The following ETV1 variants were observed in gnomAD, a reference collection of about 807,000 sequenced individuals.
ETV1 encodes the protein ETS variant transcription factor 1, also known as ETS translocation variant 1.
A neutral mutation model predicts 62.3 loss-of-function variants in ETV1; 27 were observed. The ratio of observed to expected loss-of-function variants is 0.43; its 90% confidence interval spans 0.32 to 0.60. The LOEUF is 0.60. Ranked by LOEUF, ETV1 falls within the 20% of genes least tolerant of loss-of-function variation. The pLI is 0.06. For missense variants in ETV1, 605 were observed against 605.8 expected (o/e 1.00, Z 0.01); for synonymous variants, 222 against 199.6 (o/e 1.11, Z -0.94).
intron 6 of ETV1, among the ~76,000 whole-genome samples, chr7:13,963,079 T>G (rs1790376302): frequency 6.6e-6 from 1 of 152,284 alleles, no homozygotes; most frequent in Admixed American, 6.5e-5. Flanking sequence ...GGAACCACAC[T>G]AAAACTGTAT....
intron 13 of ETV1, among the ~76,000 whole-genome samples, chr7:13,897,097 G>A (rs1781924139): frequency 6.6e-6 from 1 of 151,504 alleles, no homozygotes; most frequent in Admixed American, 6.6e-5. Context: ...AACTGAGTGA[G>A]ATGAATACGC....
Position 13,901,030 on chromosome 7 carries a change from G to C in ETV1, c.1111-191C>G, listed in dbSNP as rs145140425. On this transcript the variant is annotated intron_variant, in intron 12 of 13. Transcript: ENST00000430479. ...CTTTTTTTTTTTTTTTTGAAACAGA[G>C]TCTTGCTCTGTCACCCAGGCTGGGA... Among the ~76,000 whole-genome samples, 919 of 145,738 alleles carry C rather than the reference G, an allele frequency of 6.3e-3. 65 individuals carry two copies. In the East Asian group the frequency reaches 0.15, roughly 24 times the overall value.
At chr7:13,941,598 C>G (rs903783625) in intron 6 of ETV1, among the ~76,000 whole-genome samples, 1 of 152,060 alleles carries the variant, frequency 6.6e-6, no homozygotes, top group Non-Finnish European at 1.5e-5. Context: ...AGGCCCAGTA[C>G]GGTGGCTCAC....
intron 2 of ETV1, 28 bp from the exon 3 acceptor site, chr7:13,989,167 C>G: frequency 1.2e-6 from 1 of 807,942 alleles, no homozygotes; most frequent in Non-Finnish European, 1.9e-6. Flanking sequence ...GGCTTTTAGG[C>G]TTAAAAAAAA....
chr7:13,919,862 C>T (rs112776321), intron 9 of ETV1, among the ~76,000 whole-genome samples: 87 of 151,336 alleles, frequency 5.7e-4, no homozygotes, highest in Non-Finnish European at 9.9e-4. Flanking sequence ...ATTCATGAAA[C>T]AGACAAAAAC....
intron 13 of ETV1, among the ~76,000 whole-genome samples, chr7:13,896,725 A>AAGAAAGGAGAGGG (rs1344252960): frequency 6.9e-6 from 1 of 144,076 alleles, no homozygotes; most frequent in African/African-American, 2.6e-5. Flanking sequence ...GAGAGAAAGA[A>AAGAAAGGAGAGGG]AAAGAAAAAG....
intron 3 of ETV1, chr7:13,988,609 A>T: frequency 8.0e-7 from 1 of 1,243,632 alleles, no homozygotes; most frequent in Non-Finnish European, 1.0e-6. Context: ...AAAAAAAAAA[A>T]GAGAAAATGA....
At chr7:13,931,784 G>C in intron 8 of ETV1, 35 bp from the exon 9 acceptor site, 1 of 1,605,796 alleles carries the variant, frequency 6.2e-7, no homozygotes, top group Non-Finnish European at 8.5e-7. Context: ...AGATGAAACG[G>C]TAACATGGAA....
intron 5 of ETV1, among the ~76,000 whole-genome samples, chr7:13,980,095 T>G (rs1781836720): frequency 6.6e-6 from 1 of 152,112 alleles, no homozygotes; most frequent in African/African-American, 2.4e-5. Context: ...AATAAATACT[T>G]CACACTTATT....
At chr7:13,975,562 C>CAAAAA (rs765452116) in intron 6 of ETV1, among the ~76,000 whole-genome samples, 18 of 39,874 alleles carry the variant, frequency 4.5e-4, no homozygotes, top group East Asian at 1.1e-3. Flanking sequence ...GACTCTGTCT[C>CAAAAA]AAAAAAAAAA....
chr7:13,973,972 T>C (rs1389187683), intron 6 of ETV1, among the ~76,000 whole-genome samples: 1 of 152,188 alleles, frequency 6.6e-6, no homozygotes, highest in Non-Finnish European at 1.5e-5. Flanking sequence ...ATTTTACTTA[T>C]TGTTCTCCTA....
chr7:13,903,517 C>G (rs1476994721), intron 12 of ETV1, among the ~76,000 whole-genome samples: 3 of 151,994 alleles, frequency 2.0e-5, no homozygotes, highest in East Asian at 1.9e-4. Flanking sequence ...AATCCTAGCA[C>G]TCTGGGAGGC....
chr7:13,929,564 G>A (rs116805108), intron 9 of ETV1, among the ~76,000 whole-genome samples: 1 of 151,484 alleles, frequency 6.6e-6, no homozygotes, highest in African/African-American at 2.4e-5. Flanking sequence ...CTCAATATTG[G>A]GCCACACTGT....
chr7:13,943,537 T>C (rs1379425105), intron 6 of ETV1, among the ~76,000 whole-genome samples: 2 of 152,154 alleles, frequency 1.3e-5, no homozygotes, highest in Non-Finnish European at 2.9e-5. Context: ...GAAAAAAGGG[T>C]GCATATGTTC....
intron 9 of ETV1, among the ~76,000 whole-genome samples, chr7:13,914,032 C>T (rs1338751228): frequency 2.0e-5 from 3 of 151,808 alleles, no homozygotes; most frequent in Non-Finnish European, 4.4e-5. Context: ...TACAGGCTCC[C>T]GCCAGCATGC....
intron 6 of ETV1, among the ~76,000 whole-genome samples, chr7:13,946,959 T>G (rs1027326824): frequency 6.6e-6 from 1 of 152,098 alleles, no homozygotes; most frequent in Non-Finnish European, 1.5e-5. Flanking sequence ...CAGCTAATTT[T>G]TTTGTATTTT....
intron 9 of ETV1, among the ~76,000 whole-genome samples, chr7:13,930,799 T>A (rs200293129): frequency 0.36 from 54,261 of 150,026 alleles, 10,901 homozygotes; most frequent in East Asian, 0.53. Flanking sequence ...AATATATATT[T>A]TTTTTTTTTT....
intron 8 of ETV1, among the ~76,000 whole-genome samples, chr7:13,933,776 C>A (rs913366167): frequency 1.3e-5 from 2 of 152,204 alleles, no homozygotes; most frequent in Admixed American, 6.5e-5. Flanking sequence ...AAAACTCAGT[C>A]AGGGGTCAGT....
intron 9 of ETV1, among the ~76,000 whole-genome samples, chr7:13,923,775 G>T (rs923703661): frequency 2.6e-5 from 4 of 152,232 alleles, no homozygotes; most frequent in East Asian, 1.9e-4. Context: ...GCTCACACCT[G>T]TTATCCCAGC....
Sources: allele counts gnomAD v4.1 joint callset (sites outside exome capture counted in the v4.1 genomes callset), GRCh38; gene constraint gnomAD v4.1.1; transcripts MANE v1.5; gene names NCBI Gene and HGNC (gene_info 2026-07-23, HGNC 2026-07-21).